Variants in TEX9 observed in about 807,000 individuals in gnomAD.
The protein encoded by TEX9 is testis expressed 9.
A neutral mutation model predicts 59.6 loss-of-function variants in TEX9; 74 were observed. That is an observed-to-expected ratio of 1.24 (90% confidence interval 1.03 to 1.51). The LOEUF (loss-of-function observed/expected upper bound fraction) is 1.51, where lower values mean the gene tolerates loss of function less well. Ranked by LOEUF, TEX9 falls within the 40% of genes most tolerant of loss-of-function variation. The pLI is 0.00. For synonymous variants in TEX9, 186 were observed against 152.2 expected (o/e 1.22, Z -1.64); for missense variants, 522 against 447.8 (o/e 1.17, Z -1.49).
rs770540254 is a variant in TEX9, at chr15:56,431,337, T to C, written c.*29+2864T>C. 29 of 1,603,542 alleles carry C rather than the reference T, an allele frequency of 1.8e-5. 1 individual carries two copies. In the South Asian group the frequency reaches 2.3e-4, roughly 13 times the overall value. On this transcript the variant is annotated intron_variant, in intron 12 of 12. Coordinates refer to ENST00000352903, the Ensembl canonical transcript of TEX9. ...ACCATGTTTTTTTCACTATTACAGG[T>C]CATGAAGATTACAACTTGAGATAAA...
intron 1 of TEX9, among the ~76,000 whole-genome samples, chr15:56,293,448 A>G (rs1348168297): frequency 6.6e-6 from 1 of 152,252 alleles, no homozygotes; most frequent in Non-Finnish European, 1.5e-5. Flanking sequence ...CTTGGCATGT[A>G]GTAAAGAATT....
At chr15:56,440,893 T>C (rs1242089613) in intron 12 of TEX9, among the ~76,000 whole-genome samples, 1 of 152,144 alleles carries the variant, frequency 6.6e-6, no homozygotes, top group Non-Finnish European at 1.5e-5. Flanking sequence ...ATTTGGGTTA[T>C]TTCTACTTTT....
intron 1 of TEX9, among the ~76,000 whole-genome samples, chr15:56,345,117 T>G (rs2046446178): frequency 6.6e-6 from 1 of 150,426 alleles, no homozygotes; most frequent in African/African-American, 2.4e-5. Context: ...TTGTTTGACT[T>G]TCTTCCATGC....
intron 1 of TEX9, among the ~76,000 whole-genome samples, chr15:56,353,111 T>A (rs1404762171): frequency 6.6e-6 from 1 of 152,168 alleles, no homozygotes; most frequent in African/African-American, 2.4e-5. Flanking sequence ...ACCCCTTAAG[T>A]ACAGGGAGCA....
intron 8 of TEX9, 71 bp downstream of exon 8, chr15:56,394,318 T>G: frequency 7.9e-7 from 1 of 1,265,850 alleles, no homozygotes; most frequent in Non-Finnish European, 1.1e-6. Flanking sequence ...AATTACATTT[T>G]TTGAATTACT....
intron 1 of TEX9, among the ~76,000 whole-genome samples, chr15:56,308,616 C>T (rs763669546): frequency 2.6e-4 from 40 of 152,038 alleles, no homozygotes; most frequent in Non-Finnish European, 4.1e-4. Flanking sequence ...GGTATCATAT[C>T]TAAGAAATCA....
chr15:56,258,662 A>G (rs2044196639), intron 1 of TEX9, among the ~76,000 whole-genome samples: 1 of 151,142 alleles, frequency 6.6e-6, no homozygotes. Flanking sequence ...CCTTTCCTCC[A>G]TTTTGTTGGG....
chr15:56,306,271 A>AAAAAAAAAAAAAAAAAAAAAG (rs2045483336), intron 1 of TEX9, among the ~76,000 whole-genome samples: 1 of 151,336 alleles, frequency 6.6e-6, no homozygotes, highest in Non-Finnish European at 1.5e-5. Context: ...AAAAAAAAAA[A>AAAAAAAAAAAAAAAAAAAAAG]AAAAAAAGGA....
chr15:56,437,247 C>T (rs182719275), intron 12 of TEX9, among the ~76,000 whole-genome samples: 1 of 152,150 alleles, frequency 6.6e-6, no homozygotes. Flanking sequence ...TCCAGCAGCA[C>T]ATCAAAAAGC....
At position 56,441,966 on chromosome 15, in the gene TEX9, G is replaced by A. The variant is rs533844675; in HGVS notation, c.*30-3705G>A. Among the ~76,000 whole-genome samples the A allele has an allele frequency of 2.6e-4, 39 of 152,116 alleles. No homozygotes were observed. The South Asian group carries it at 7.9e-3, about 31-fold the overall frequency. ...ACCCGGGAGGCATAGCTTGCAGTGA[G>A]CCGAGATCACGCCACTGCACTCCAA... On this transcript the variant is annotated intron_variant, in intron 12 of 12. Transcript: ENST00000352903.
chr15:56,327,525 C>G (rs558335377), intron 1 of TEX9, among the ~76,000 whole-genome samples: 9 of 152,248 alleles, frequency 5.9e-5, no homozygotes, highest in Admixed American at 4.6e-4. Flanking sequence ...CAAAAAACAC[C>G]TTTATAAGAA....
chr15:56,316,932 C>G (rs2045784494), intron 1 of TEX9, among the ~76,000 whole-genome samples: 1 of 152,222 alleles, frequency 6.6e-6, no homozygotes, highest in Non-Finnish European at 1.5e-5. Context: ...GTCCGTCACC[C>G]CTTTCTTTGA....
intron 10 of TEX9, among the ~76,000 whole-genome samples, chr15:56,413,112 T>A (rs1484371168): frequency 6.6e-6 from 1 of 150,996 alleles, no homozygotes; most frequent in East Asian, 1.9e-4. Context: ...AAATATTGGT[T>A]ACTTTTTGGT....
At chr15:56,271,934 A>G (rs2044543191) in intron 1 of TEX9, among the ~76,000 whole-genome samples, 1 of 152,116 alleles carries the variant, frequency 6.6e-6, no homozygotes, top group African/African-American at 2.4e-5. Context: ...AGGTCAGGAG[A>G]TCGAGACCAT....
chr15:56,291,788 T>C (rs768106539), intron 1 of TEX9, among the ~76,000 whole-genome samples: 1 of 152,226 alleles, frequency 6.6e-6, no homozygotes, highest in South Asian at 2.1e-4. Context: ...TTGTTTTTCA[T>C]AGGGCTTCAG....
At chr15:56,290,050 T>C (rs149988175) in intron 1 of TEX9, among the ~76,000 whole-genome samples, 2,078 of 152,206 alleles carry the variant, frequency 0.014, 27 homozygotes, top group Middle Eastern at 0.041. Context: ...GTCTCTGGTG[T>C]CTGAGATGTG....
At chr15:56,378,600 G>T (rs2047572717) in intron 3 of TEX9, among the ~76,000 whole-genome samples, 2 of 149,948 alleles carry the variant, frequency 1.3e-5, no homozygotes, top group African/African-American at 2.5e-5. Flanking sequence ...TATTTATTTG[G>T]GTCATCTCCC....
At chr15:56,414,215 C>T (rs560174298) in intron 10 of TEX9, among the ~76,000 whole-genome samples, 3 of 151,006 alleles carry the variant, frequency 2.0e-5, no homozygotes, top group Non-Finnish European at 4.4e-5. Flanking sequence ...ACAGATGACT[C>T]TCCATATTCT....
chr15:56,285,109 G>A (rs552801958), intron 1 of TEX9, among the ~76,000 whole-genome samples: 8 of 151,578 alleles, frequency 5.3e-5, no homozygotes, highest in East Asian at 1.9e-4. Context: ...TATGCCTTTC[G>A]TATCTCACAC....
Sources: allele counts gnomAD v4.1 joint callset (sites outside exome capture counted in the v4.1 genomes callset), GRCh38; gene constraint gnomAD v4.1.1; transcripts MANE v1.5; gene names NCBI Gene and HGNC (gene_info 2026-07-23, HGNC 2026-07-21).